RUFY3: variants seen among roughly 807,000 people sequenced by gnomAD.
RUFY3 encodes the protein protein RUFY3.
Under a neutral mutation model 84.0 loss-of-function variants are expected in RUFY3, and 34 were observed. That is an observed-to-expected ratio of 0.40 (90% confidence interval 0.31 to 0.54). RUFY3 has a LOEUF of 0.54. Among genes scored for constraint, RUFY3 ranks in the 20% least tolerant of loss-of-function variants. RUFY3 has a pLI of 0.39. For missense variants in RUFY3, 507 were observed against 736.8 expected (o/e 0.69, Z 3.61); for synonymous variants, 242 against 252.9 (o/e 0.96, Z 0.41).
intron 4 of RUFY3, among the ~76,000 whole-genome samples, chr4:70,767,330 G>A (rs1466951587): frequency 1.6e-5 from 2 of 127,962 alleles, no homozygotes; most frequent in Non-Finnish European, 3.1e-5. Context: ...GGCTGGTCTC[G>A]AACTTCCGAC....
intron 1 of RUFY3, among the ~76,000 whole-genome samples, chr4:70,747,593 G>A (rs1722436654): frequency 6.6e-6 from 1 of 151,842 alleles, no homozygotes; most frequent in Non-Finnish European, 1.5e-5. Flanking sequence ...TAGTAACCTT[G>A]CATCCTTCTA....
At chr4:70,776,569 T>C (rs918397914) in intron 7 of RUFY3, among the ~76,000 whole-genome samples, 4 of 152,148 alleles carry the variant, frequency 2.6e-5, no homozygotes, top group African/African-American at 4.8e-5. Flanking sequence ...GGTCAGGATA[T>C]GGAGATCATC....
intron 1 of RUFY3, among the ~76,000 whole-genome samples, chr4:70,723,109 T>C (rs7681231): frequency 0.099 from 15,031 of 152,194 alleles, 1,600 homozygotes; most frequent in African/African-American, 0.27. Flanking sequence ...TGTAGTGATT[T>C]ATAACACTAA....
At chr4:70,806,385 C>G in intron 17 of RUFY3, 131 bp from the exon 18 acceptor site, 1 of 1,046,132 alleles carries the variant, frequency 9.6e-7, no homozygotes, top group South Asian at 1.5e-5. Context: ...CAGATACTAC[C>G]TGGCACATAG....
chr4:70,788,831 A>G lies in RUFY3; in HGVS notation c.1097A>G (p.Gln366Arg), dbSNP rs1730331677. The change falls in exon 11 of 18, where the codon CAG (glutamine) becomes CGG (arginine). Residue 366 changes from glutamine to arginine, a missense_variant. By Grantham distance (43) the Gln-to-Arg change is conservative. Coordinates refer to ENST00000381006, the MANE Select transcript of RUFY3 (RefSeq NM_001037442.4). ...RLDVEKELEM[Q>R]ISMRQEMELA... ...GATGTTGAGAAAGAACTGGAGATGC[A>G]GATCAGCATGAGGCAGGAGATGGAA... is the stretch of plus-strand genomic sequence containing the variant. 1 of 1,614,088 alleles carries G rather than the reference A, an allele frequency of 6.2e-7. No individual in the cohort carries two copies. Among genetic ancestry groups the G allele is most frequent in the African/African-American group, 1.3e-5 (1 of 75,064 alleles).
intron 1 of RUFY3, among the ~76,000 whole-genome samples, chr4:70,754,565 G>T (rs559076985): frequency 5.6e-4 from 83 of 148,324 alleles, no homozygotes; most frequent in African/African-American, 2.0e-3. Context: ...TAGAATAAAA[G>T]TTCATGATTG....
intron 1 of RUFY3, among the ~76,000 whole-genome samples, chr4:70,742,479 G>C (rs957612147): frequency 2.0e-5 from 3 of 152,116 alleles, no homozygotes; most frequent in African/African-American, 7.2e-5. Context: ...GACATCTCAT[G>C]TATTTATACC....
rs78025262 is a variant in RUFY3, at chr4:70,728,740, T to C, written c.178+5989T>C. Among the ~76,000 whole-genome samples, 23 of 152,320 alleles carry C rather than the reference T, an allele frequency of 1.5e-4. No individual in the cohort carries two copies. In the East Asian group the frequency reaches 3.7e-3, roughly 24 times the overall value. On this transcript the variant is annotated intron_variant, in intron 1 of 17. Transcript: ENST00000381006. ...TGTTATCATTTTTCGGATATTTATATGGTTTGAGTGGCAGGCAAGTTAAAA... is the reference window on the plus strand; with the variant it reads ...TGTTATCATTTTTCGGATATTTATACGGTTTGAGTGGCAGGCAAGTTAAAA...
intron 7 of RUFY3, 70 bp from the exon 8 acceptor site, chr4:70,778,299 G>A (rs976267172): frequency 8.4e-6 from 6 of 714,000 alleles, no homozygotes; most frequent in Non-Finnish European, 1.5e-5. Flanking sequence ...AGTGTGAAGG[G>A]TTTAAAAAGG....
At chr4:70,765,350 C>A (rs1725708859) in intron 4 of RUFY3, among the ~76,000 whole-genome samples, 1 of 151,878 alleles carries the variant, frequency 6.6e-6, no homozygotes, top group African/African-American at 2.4e-5. Context: ...TAAAATCAAT[C>A]TATGGTGATA....
At chr4:70,732,331 C>T (rs1424981660) in intron 1 of RUFY3, among the ~76,000 whole-genome samples, 1 of 152,192 alleles carries the variant, frequency 6.6e-6, no homozygotes, top group East Asian at 1.9e-4. Flanking sequence ...CAGAAGGCCC[C>T]ATGGTACTGT....
intron 8 of RUFY3, among the ~76,000 whole-genome samples, chr4:70,781,330 A>G (rs1338744324): frequency 2.6e-5 from 4 of 152,100 alleles, no homozygotes; most frequent in Non-Finnish European, 4.4e-5. Context: ...CACCAAAAAA[A>G]TTAGCCGGCT....
chr4:70,793,990 G>A (rs1731195795), intron 13 of RUFY3, 86 bp downstream of exon 13: 1 of 1,478,156 alleles, frequency 6.8e-7, no homozygotes, highest in Non-Finnish European at 9.1e-7. Flanking sequence ...ATGACTTCCA[G>A]CCAGGTTGGC....
Position 70,788,990 on chromosome 4 carries a change from G to T in RUFY3, c.1239+17G>T, listed in dbSNP as rs1170353125. The stretch of plus-strand genomic sequence containing the variant: ...AAGCTGCAGGTAGGGGAAATATGAG[G>T]AATAGACTCACTGGCTCTCTAAAAT... On this transcript the variant is annotated intron_variant, in intron 11 of 17. Transcript: ENST00000381006. 6.2e-7 allele frequency: 1 copy of T among 1,610,218 alleles called. No homozygotes were observed. Among genetic ancestry groups the T allele is most frequent in the African/African-American group, 1.3e-5 (1 of 74,872 alleles).
At chr4:70,709,886 A>G (rs936897022) in intron 1 of RUFY3, among the ~76,000 whole-genome samples, 1 of 152,158 alleles carries the variant, frequency 6.6e-6, no homozygotes, top group Non-Finnish European at 1.5e-5. Context: ...AAAGTGTCCC[A>G]CTCACCAAGT....
At chr4:70,744,991 G>A (rs1721963677) in intron 1 of RUFY3, among the ~76,000 whole-genome samples, 1 of 150,476 alleles carries the variant, frequency 6.6e-6, no homozygotes, top group Admixed American at 6.6e-5. Flanking sequence ...GTCTTGCTGT[G>A]TTGCCCAGGC....
At chr4:70,725,663 A>G (rs192759756) in intron 1 of RUFY3, among the ~76,000 whole-genome samples, 6 of 152,320 alleles carry the variant, frequency 3.9e-5, no homozygotes, top group Admixed American at 1.3e-4. Flanking sequence ...CCAACAGCAA[A>G]TCTACAACAA....
At chr4:70,723,991 T>G (rs1717806451) in intron 1 of RUFY3, among the ~76,000 whole-genome samples, 1 of 152,220 alleles carries the variant, frequency 6.6e-6, no homozygotes, top group Non-Finnish European at 1.5e-5. Context: ...AGAACAATGT[T>G]TAAGTGGTTT....
At position 70,793,890 on chromosome 4, in the gene RUFY3, G is replaced by A; in HGVS notation, c.1443G>A (p.Glu481=). The change falls in exon 13 of 18, where the codon GAG becomes GAA. Residue 481 remains glutamate, a synonymous_variant. Coordinates refer to ENST00000381006, the MANE Select transcript of RUFY3 (RefSeq NM_001037442.4). Reference sequence around the variant, plus strand: ...ACAGTCTGCAGCTGGAAGTCGAGGAGCTCACCAGGCAGCGGTGAAGAGGGG... The same window carrying A: ...ACAGTCTGCAGCTGGAAGTCGAGGAACTCACCAGGCAGCGGTGAAGAGGGG... ...KINSLQLEVE[E]LTRQRNQLEL... The A allele has an allele frequency of 6.2e-7, 1 of 1,613,988 alleles. No homozygotes were observed.
Sources: gnomAD v4.1 joint callset for allele counts (sites outside exome capture counted in the v4.1 genomes callset) on GRCh38, gnomAD v4.1.1 for gene constraint, MANE v1.5 for transcripts, NCBI Gene and HGNC (gene_info 2026-07-23, HGNC 2026-07-21) for gene names.